CNTN4: variants seen among roughly 807,000 people sequenced by gnomAD.
CNTN4 encodes contactin-4.
In CNTN4, 77 loss-of-function variants were observed where a neutral mutation model predicts 122.5. The observed-to-expected ratio is 0.63, with a 90% CI of 0.52 to 0.76. The LOEUF (loss-of-function observed/expected upper bound fraction) is 0.76, where lower values mean the gene tolerates loss of function less well. CNTN4 is among the 30% of genes least tolerant of loss of function. The pLI is 0.00. For synonymous variants in CNTN4, 512 were observed against 447.0 expected (o/e 1.15, Z -1.83); for missense variants, 1,256 against 1,259.1 (o/e 1.00, Z 0.04).
chr3:2,950,614 C>G (rs1355262608), intron 13 of CNTN4, among the ~76,000 whole-genome samples: 1 of 152,200 alleles, frequency 6.6e-6, no homozygotes, highest in Non-Finnish European at 1.5e-5. Flanking sequence ...GATGGTCTTG[C>G]ATAAGCTGAG....
intron 2 of CNTN4, among the ~76,000 whole-genome samples, chr3:2,125,299 TC>T (rs753990942): frequency 1.3e-5 from 2 of 151,304 alleles, no homozygotes; most frequent in Non-Finnish European, 2.9e-5. Flanking sequence ...AGGATTTCCT[TC>T]TTTTTCAAGG....
rs1238808249 is a variant in CNTN4 at position 2,841,969 on chromosome 3, T to C, written c.454+22388T>C. 6.6e-6 allele frequency among the ~76,000 whole-genome samples: 1 copy of C among 152,088 alleles called. No individual in the cohort carries two copies. Among genetic ancestry groups the C allele is most frequent in the Admixed American group, 6.5e-5 (1 of 15,278 alleles). On this transcript the variant is annotated intron_variant, in intron 7 of 24. Coordinates refer to ENST00000418658, the MANE Select transcript of CNTN4 (RefSeq NM_175607.3). This position sits in a 1 kb window ranked among gnomAD's most constrained non-coding sequence, Gnocchi z 4.8. ...TTTTAAAACAGATTGAAACCAGAAATAAATAAATAAATGAAGCTAGCTGCC... is the reference window on the plus strand; with the variant it reads ...TTTTAAAACAGATTGAAACCAGAAACAAATAAATAAATGAAGCTAGCTGCC...
At chr3:2,749,330 T>G (rs1317929886) in intron 6 of CNTN4, among the ~76,000 whole-genome samples, 1 of 149,036 alleles carries the variant, frequency 6.7e-6, no homozygotes, top group Non-Finnish European at 1.5e-5. Flanking sequence ...CCAGATAAGT[T>G]TTTTTTTTTT....
At chr3:2,527,429 G>A (rs150462410) in intron 3 of CNTN4, among the ~76,000 whole-genome samples, 153 of 151,636 alleles carry the variant, frequency 1.0e-3, no homozygotes, top group African/African-American at 3.5e-3. Flanking sequence ...TGCTGCTGCT[G>A]CTGCTGTTGC....
intron 5 of CNTN4, among the ~76,000 whole-genome samples, chr3:2,738,118 T>G (rs1010168173): frequency 6.6e-6 from 1 of 152,074 alleles, no homozygotes; most frequent in African/African-American, 2.4e-5. Context: ...TTTTCCAAAC[T>G]AATTGAAACT....
chr3:2,704,257 G>A (rs1348020418), intron 4 of CNTN4, among the ~76,000 whole-genome samples: 13 of 132,512 alleles, frequency 9.8e-5, no homozygotes, highest in Admixed American at 1.8e-4. Flanking sequence ...AGATTGTGCC[G>A]CTGCTCTCCA....
chr3:2,286,439 T>C (rs964616108), intron 2 of CNTN4, among the ~76,000 whole-genome samples: 1 of 151,694 alleles, frequency 6.6e-6, no homozygotes, highest in African/African-American at 2.4e-5. Context: ...AAGGGCTTAG[T>C]TAGCTTTAAA....
At chr3:2,708,895 T>C (rs978856826) in intron 4 of CNTN4, among the ~76,000 whole-genome samples, 1 of 152,244 alleles carries the variant, frequency 6.6e-6, no homozygotes, top group Non-Finnish European at 1.5e-5. Context: ...CATTCCTTTG[T>C]AAAATATTGT....
intron 2 of CNTN4, among the ~76,000 whole-genome samples, chr3:2,143,092 GA>G (rs2035078857): frequency 6.6e-6 from 1 of 152,154 alleles, no homozygotes; most frequent in Non-Finnish European, 1.5e-5. Flanking sequence ...ACTGCCTCTG[GA>G]TGGTTCACTG....
chr3:2,230,669 G>A (rs1281197656), intron 2 of CNTN4, among the ~76,000 whole-genome samples: 1 of 152,158 alleles, frequency 6.6e-6, no homozygotes, highest in East Asian at 1.9e-4. Context: ...ATAATGTTAT[G>A]TGTCTGCACT....
intron 3 of CNTN4, among the ~76,000 whole-genome samples, chr3:2,342,231 C>G (rs1305502497): frequency 6.6e-6 from 1 of 152,118 alleles, no homozygotes; most frequent in African/African-American, 2.4e-5. Flanking sequence ...TGATATTCTT[C>G]ATAGGCTTGG....
chr3:2,196,251 A>G (rs2037827275), intron 2 of CNTN4, among the ~76,000 whole-genome samples: 1 of 152,158 alleles, frequency 6.6e-6, no homozygotes, highest in Admixed American at 6.5e-5. Flanking sequence ...TGAAGTGCTG[A>G]TTGTGGAGAG....
chr3:2,220,713 T>C (rs546081410), intron 2 of CNTN4, among the ~76,000 whole-genome samples: 1 of 152,202 alleles, frequency 6.6e-6, no homozygotes, highest in South Asian at 2.1e-4. Context: ...AGATAATAAT[T>C]GCAAGGAGCT....
At chr3:2,326,148 T>G (rs1310145748) in intron 2 of CNTN4, among the ~76,000 whole-genome samples, 1 of 152,162 alleles carries the variant, frequency 6.6e-6, no homozygotes, top group African/African-American at 2.4e-5. Context: ...CAAATGTGGG[T>G]GGGCCTTATG....
intron 2 of CNTN4, among the ~76,000 whole-genome samples, chr3:2,293,152 A>G (rs963641584): frequency 1.2e-4 from 18 of 152,234 alleles, no homozygotes; most frequent in African/African-American, 4.3e-4. Context: ...TTGATTGCAG[A>G]TACCTAATTT....
intron 4 of CNTN4, among the ~76,000 whole-genome samples, chr3:2,646,887 T>C (rs1260678831): frequency 6.6e-6 from 1 of 152,166 alleles, no homozygotes; most frequent in Non-Finnish European, 1.5e-5. Flanking sequence ...TTCATTTAAC[T>C]TAATTACCTC....
intron 4 of CNTN4, among the ~76,000 whole-genome samples, chr3:2,586,355 C>G (rs1361057291): frequency 6.6e-6 from 1 of 152,180 alleles, no homozygotes; most frequent in African/African-American, 2.4e-5. Flanking sequence ...TAAAATGGCA[C>G]AATATCGGCT....
chr3:2,377,654 T>A (rs575127831), intron 3 of CNTN4, among the ~76,000 whole-genome samples: 15 of 152,236 alleles, frequency 9.9e-5, no homozygotes, highest in Non-Finnish European at 2.1e-4. Flanking sequence ...TTATAACATA[T>A]GTTTGCATAA....
chr3:2,575,874 T>C lies in CNTN4; in HGVS notation c.55+4316T>C, dbSNP rs1218742901. On this transcript the variant is annotated intron_variant, in intron 4 of 24. Transcript: ENST00000418658. ...TCTGGCTCTGCTGCCCAGGCTGGAG[T>C]GCAGGGGTGTGATCTCGGCTCACTG... Among the ~76,000 whole-genome samples, 11 of 142,928 alleles carry C rather than the reference T, an allele frequency of 7.7e-5. No individual in the cohort carries two copies. In the Admixed American group the frequency reaches 8.1e-4, roughly 10 times the overall value. The allele number at this position is 142,928 out of a possible 152,430, so 93.8% of individuals were successfully genotyped here.
Sources: gnomAD v4.1 joint callset for allele counts (sites outside exome capture counted in the v4.1 genomes callset) on GRCh38, gnomAD v4.1.1 for gene constraint, Gnocchi (gnomAD v3.1) non-coding constraint, MANE v1.5 for transcripts, NCBI Gene and HGNC (gene_info 2026-07-23, HGNC 2026-07-21) for gene names.